Variants in EEPD1 observed in about 807,000 individuals in gnomAD.
EEPD1 encodes endonuclease/exonuclease/phosphatase family domain-containing protein 1.
In EEPD1, 17 loss-of-function variants were observed where a neutral mutation model predicts 46.3. The observed-to-expected ratio is 0.37, with a 90% CI of 0.25 to 0.55. The LOEUF is 0.55. EEPD1 is among the 20% of genes least tolerant of loss of function. EEPD1 has a pLI of 0.83. For synonymous variants in EEPD1, 313 were observed against 315.6 expected, an observed-to-expected ratio of 0.99 and a Z score of 0.09; for missense variants, 673 against 745.6, an observed-to-expected ratio of 0.90 and a Z score of 1.13.
At position 36,176,610 on chromosome 7, in the gene EEPD1, T is replaced by C. The variant is rs574202405; in HGVS notation, c.878+21408T>C. On this transcript the variant is annotated intron_variant, in intron 2 of 7. Transcript: ENST00000242108. ...TGTAGAGGAGTTTATAATTTTTTCT[T>C]AGTAATGACTCCATAAAACAAAAAT... Among the ~76,000 whole-genome samples, 7 of 152,336 alleles carry C rather than the reference T, an allele frequency of 4.6e-5. No individual in the cohort carries two copies. The South Asian group carries it at 1.5e-3, about 32-fold the overall frequency.
chr7:36,282,031 T>G (rs575660888), intron 4 of EEPD1, among the ~76,000 whole-genome samples: 1 of 152,332 alleles, frequency 6.6e-6, no homozygotes, highest in East Asian at 1.9e-4. Context: ...AAGCCCCTAC[T>G]CTCTTTTTAG....
intron 3 of EEPD1, among the ~76,000 whole-genome samples, chr7:36,247,746 G>C (rs1168664418): frequency 6.6e-6 from 1 of 152,168 alleles, no homozygotes; most frequent in Non-Finnish European, 1.5e-5. Flanking sequence ...CCCATCTTCT[G>C]TGATCTCATT....
chr7:36,227,085 C>G (rs1361010937), intron 2 of EEPD1, among the ~76,000 whole-genome samples: 1 of 151,884 alleles, frequency 6.6e-6, no homozygotes, highest in Non-Finnish European at 1.5e-5. Flanking sequence ...GGGGGGTGGC[C>G]AGAAACAGAT....
chr7:36,278,089 CT>C lies in EEPD1; in HGVS notation c.931-3023del, dbSNP rs1228881161. 5.3e-5 allele frequency among the ~76,000 whole-genome samples: 8 copies of C among 152,236 alleles called. No homozygotes were observed. The East Asian group carries it at 1.4e-3, about 26-fold the overall frequency. On this transcript the variant is annotated intron_variant, in intron 3 of 7. Transcript: ENST00000242108. ...ACTTCTAGGCCCCGCCCCTGAGAAT[CT>C]TTAGTTAAGTAGGTCAGGGGTAGAG...
Position 36,301,307 on chromosome 7 carries a change from T to C in EEPD1, c.*2101T>C, listed in dbSNP as rs2115915853. ...TGTTGGCTGTTTTTGGTTTTAGTTG[T>C]TGTTTTGTATTTTGTTGTTTTAATT... On this transcript the variant is annotated 3_prime_UTR_variant, in exon 8 of 8. Transcript: ENST00000242108. 6.6e-6 allele frequency: 1 copy of C among 152,322 alleles called. No homozygotes were observed. The highest frequency in any genetic ancestry group is 6.5e-5 in the Admixed American group (1 of 15,308). The allele number at this position is 152,322 out of a possible 1,614,324, so 9.4% of individuals were successfully genotyped here.
At chr7:36,201,952 G>A (rs1056033714) in intron 2 of EEPD1, among the ~76,000 whole-genome samples, 2 of 152,184 alleles carry the variant, frequency 1.3e-5, no homozygotes, top group African/African-American at 2.4e-5. Context: ...CCTGCAGTTC[G>A]CAGTGTGGTC....
At chr7:36,294,435 A>G (rs1320119380) in intron 6 of EEPD1, among the ~76,000 whole-genome samples, 1 of 152,232 alleles carries the variant, frequency 6.6e-6, no homozygotes, top group Non-Finnish European at 1.5e-5. Flanking sequence ...GAGGGGGTTA[A>G]TTATTTGCAT....
Position 36,265,704 on chromosome 7 carries a change from G to A in EEPD1, c.931-15411G>A, listed in dbSNP as rs373140082. Reference sequence around the variant, plus strand: ...CTACTATTCAGTTTTCTTGTTGGGTGGTTTCTTGGGTTAGGAAACCATCTC... The same window carrying A: ...CTACTATTCAGTTTTCTTGTTGGGTAGTTTCTTGGGTTAGGAAACCATCTC... On this transcript the variant is annotated intron_variant, in intron 3 of 7. Coordinates refer to ENST00000242108, the MANE Select transcript of EEPD1 (RefSeq NM_030636.3). Among the ~76,000 whole-genome samples the A allele has an allele frequency of 5.9e-5, 9 of 152,192 alleles. No homozygotes were observed. In the East Asian group the frequency reaches 1.5e-3, roughly 26 times the overall value.
intron 2 of EEPD1, among the ~76,000 whole-genome samples, chr7:36,173,325 TAAAAA>T (rs34007011): frequency 5.8e-5 from 6 of 103,622 alleles, no homozygotes; most frequent in Non-Finnish European, 9.0e-5. Context: ...CGTTTATACT[TAAAAA>T]AAAAAAAAAA....
At position 36,153,265 on chromosome 7, in the gene EEPD1, T is replaced by C; in HGVS notation, c.-602T>C. 6.6e-6 allele frequency: 1 copy of C among 152,478 alleles called. No homozygotes were observed. The highest frequency in any genetic ancestry group is 1.5e-5 in the Non-Finnish European group (1 of 68,386). The allele number at this position is 152,478 out of a possible 1,614,324, so 9.4% of individuals were successfully genotyped here. Reference sequence around the variant, plus strand: ...CGCGGCGCGGCCGGGACTTTGGCTTTGACACCGACTGCGAGCGGGAGCCGT... The same window carrying C: ...CGCGGCGCGGCCGGGACTTTGGCTTCGACACCGACTGCGAGCGGGAGCCGT... On this transcript the variant is annotated 5_prime_UTR_variant, in exon 1 of 8. Coordinates refer to ENST00000242108, the MANE Select transcript of EEPD1 (RefSeq NM_030636.3).
chr7:36,233,366 G>A (rs548982442), intron 2 of EEPD1, among the ~76,000 whole-genome samples: 2 of 152,372 alleles, frequency 1.3e-5, no homozygotes, highest in South Asian at 2.1e-4. Context: ...AGGAGAAACC[G>A]AGGCATGGCC....
intron 6 of EEPD1, among the ~76,000 whole-genome samples, chr7:36,291,014 C>T (rs1038262420): frequency 6.6e-6 from 1 of 152,134 alleles, no homozygotes; most frequent in African/African-American, 2.4e-5. Flanking sequence ...CCGATGTGCT[C>T]ATTCAAAAAG....
chr7:36,287,716 G>T lies in EEPD1; in HGVS notation c.1254G>T (p.Lys418Asn). Residue 418 changes from lysine to asparagine, a missense_variant, in exon 6 of 8, where the codon AAG becomes AAT. Coordinates refer to ENST00000242108, the MANE Select transcript of EEPD1 (RefSeq NM_030636.3). ...TCCTGGGGAGCGAGAATCCCAGCAA[G>T]AATCACAGTGATGGCCACCGGTTGG... The part of the protein sequence containing the change: ...LTLLGSENPS[K>N]NHSDGHRLAS... 6.2e-7 allele frequency: 1 copy of T among 1,614,124 alleles called. No homozygotes were observed. The highest frequency in any genetic ancestry group is 8.5e-7 in the Non-Finnish European group (1 of 1,180,024).
chr7:36,181,155 C>A (rs1234281497), intron 2 of EEPD1, among the ~76,000 whole-genome samples: 1 of 152,158 alleles, frequency 6.6e-6, no homozygotes, highest in East Asian at 1.9e-4. Flanking sequence ...TGAGCAGGGT[C>A]CACCAGGCGG....
intron 2 of EEPD1, among the ~76,000 whole-genome samples, chr7:36,226,037 A>G (rs1189353295): frequency 6.6e-6 from 1 of 152,256 alleles, no homozygotes; most frequent in Non-Finnish European, 1.5e-5. Context: ...AATTATTGTT[A>G]TAAGTCTGAT....
At chr7:36,252,955 A>G (rs1404486337) in intron 3 of EEPD1, among the ~76,000 whole-genome samples, 2 of 141,156 alleles carry the variant, frequency 1.4e-5, no homozygotes, top group Non-Finnish European at 3.0e-5. Context: ...CCTATCCTCT[A>G]TTTCATTAAT....
chr7:36,157,419 G>A (rs557106708), intron 2 of EEPD1, among the ~76,000 whole-genome samples: 51 of 152,358 alleles, frequency 3.3e-4, no homozygotes, highest in African/African-American at 1.2e-3. Flanking sequence ...CCACCCTGCA[G>A]CCCACTGAGC....
chr7:36,215,266 C>T (rs920970004), intron 2 of EEPD1, among the ~76,000 whole-genome samples: 8 of 152,226 alleles, frequency 5.3e-5, no homozygotes, highest in East Asian at 1.9e-4. Flanking sequence ...GGCGCCTTGG[C>T]GCCATGCGGG....
In EEPD1 at chr7:36,193,415, C is replaced by T. The variant is rs1785516739; in HGVS notation, c.878+38213C>T. ...CACACAGGAGGACAAAGGAGAGATG[C>T]AGCTAGATGAGGAGAGAACAGCCAC... On this transcript the variant is annotated intron_variant, in intron 2 of 7. Coordinates refer to ENST00000242108, the MANE Select transcript of EEPD1 (RefSeq NM_030636.3). This position sits in a 1 kb window ranked among gnomAD's most constrained non-coding sequence, Gnocchi z 4.9. 6.6e-6 allele frequency among the ~76,000 whole-genome samples: 1 copy of T among 152,124 alleles called. No individual in the cohort carries two copies. The highest frequency in any genetic ancestry group is 1.5e-5 in the Non-Finnish European group (1 of 68,018).
Sources: allele counts gnomAD v4.1 joint callset (sites outside exome capture counted in the v4.1 genomes callset), GRCh38; gene constraint gnomAD v4.1.1; non-coding constraint Gnocchi (gnomAD v3.1); transcripts MANE v1.5; gene names NCBI Gene and HGNC (gene_info 2026-07-23, HGNC 2026-07-21).